THSD4: variants seen among roughly 807,000 people sequenced by gnomAD.
THSD4 encodes the protein thrombospondin type-1 domain-containing protein 4.
Under a neutral mutation model 119.0 loss-of-function variants are expected in THSD4, and 69 were observed. The ratio of observed to expected loss-of-function variants is 0.58; its 90% CI spans 0.48 to 0.71. The LOEUF (loss-of-function observed/expected upper bound fraction) is 0.71. Ranked by LOEUF, THSD4 falls within the 30% of genes least tolerant of loss-of-function variation. THSD4 has a pLI of 0.00. For missense variants in THSD4, 1,393 were observed against 1,391.1 expected, an observed-to-expected ratio of 1.00 and a Z score of -0.02; for synonymous variants, 524 against 540.4, an observed-to-expected ratio of 0.97 and a Z score of 0.42.
At chr15:71,495,769 C>A (rs995385380) in intron 7 of THSD4, among the ~76,000 whole-genome samples, 2 of 152,196 alleles carry the variant, frequency 1.3e-5, no homozygotes, top group African/African-American at 2.4e-5. Context: ...AACTGTTTTA[C>A]AAACACATGC....
chr15:71,395,202 A>G (rs989130601), intron 6 of THSD4, among the ~76,000 whole-genome samples: 2 of 152,184 alleles, frequency 1.3e-5, no homozygotes, highest in African/African-American at 4.8e-5. Context: ...GAGGAGTAAC[A>G]TGATGAAACA....
intron 3 of THSD4, among the ~76,000 whole-genome samples, chr15:71,214,003 A>G (rs1291471893): frequency 1.3e-5 from 2 of 151,096 alleles, no homozygotes; most frequent in African/African-American, 2.5e-5. Context: ...GGACTTGGAG[A>G]ACTTTTCTGT....
intron 6 of THSD4, among the ~76,000 whole-genome samples, chr15:71,330,085 A>AG (rs1373151611): frequency 1.4e-5 from 2 of 148,066 alleles, no homozygotes; most frequent in East Asian, 2.0e-4. Flanking sequence ...TCGTCTCCAA[A>AG]GGAAAAAAAA....
chr15:71,181,563 A>C (rs1046530701), intron 3 of THSD4, among the ~76,000 whole-genome samples: 2 of 152,172 alleles, frequency 1.3e-5, no homozygotes, highest in Non-Finnish European at 1.5e-5. Context: ...GCTTGTACCC[A>C]TGAGTTGAAG....
chr15:71,703,051 G>A (rs2052323749), intron 8 of THSD4, among the ~76,000 whole-genome samples: 1 of 151,782 alleles, frequency 6.6e-6, no homozygotes, highest in South Asian at 2.1e-4. Context: ...TGCCCTCTCA[G>A]CTCACTGCAA....
rs145954615 is a variant in THSD4 at position 71,701,615 on chromosome 15, A to G, written c.1358-26934A>G. 3.3e-3 allele frequency among the ~76,000 whole-genome samples: 510 copies of G among 152,346 alleles called. 4 individuals are homozygous for G. The highest frequency in any genetic ancestry group is 0.012 in the African/African-American group (490 of 41,590). On this transcript the variant is annotated intron_variant, in intron 8 of 17. Transcript: ENST00000261862. ...AAACACTCTTTAGCCATTAAAAATA[A>G]TGGACTAGCTCTATATTTAATAACA...
chr15:71,391,068 G>A (rs1455917649), intron 6 of THSD4, among the ~76,000 whole-genome samples: 3 of 143,364 alleles, frequency 2.1e-5, no homozygotes, highest in South Asian at 2.2e-4. Context: ...GCGCTCTGTC[G>A]CCCAGGCTGG....
chr15:71,745,245 C>T lies in THSD4; in HGVS notation c.2036+10C>T. 6.2e-7 allele frequency: 1 copy of T among 1,613,560 alleles called. No individual in the cohort carries two copies. The highest frequency in any genetic ancestry group is 8.5e-7 in the Non-Finnish European group (1 of 1,179,766). On this transcript the variant is annotated intron_variant, in intron 12 of 17. Transcript: ENST00000261862. ...TCCCTTGCCCAGCCTTGTAAGAAGG[C>T]CCCTCCATTTAGGTCGCCTATTACC...
intron 5 of THSD4, among the ~76,000 whole-genome samples, chr15:71,251,567 T>C (rs2044259260): frequency 6.6e-6 from 1 of 152,214 alleles, no homozygotes. Flanking sequence ...AAAGGTTTCA[T>C]GACTGTGGTG....
intron 7 of THSD4, among the ~76,000 whole-genome samples, chr15:71,637,728 A>AT (rs199604356): frequency 0.011 from 1,531 of 144,682 alleles, 24 homozygotes; most frequent in African/African-American, 0.03. Flanking sequence ...CACATTATGA[A>AT]TTTTTTTTTT....
At chr15:71,536,828 T>G (rs78043771) in intron 7 of THSD4, among the ~76,000 whole-genome samples, 7,855 of 152,232 alleles carry the variant, frequency 0.052, 239 homozygotes, top group Middle Eastern at 0.095. Flanking sequence ...AGTAGGGGTC[T>G]ATCCTCATTC....
At chr15:71,732,345 G>T (rs1159520038) in intron 10 of THSD4, 1 of 152,190 alleles carries the variant, frequency 6.6e-6, no homozygotes, top group East Asian at 1.9e-4. Context: ...AACAATCCAT[G>T]TTGAGTCTTC....
chr15:71,357,957 G>A (rs899080138), intron 6 of THSD4, among the ~76,000 whole-genome samples: 1 of 152,198 alleles, frequency 6.6e-6, no homozygotes, highest in African/African-American at 2.4e-5. Flanking sequence ...TCAAACTTGG[G>A]TGAGGTTCTG....
At chr15:71,203,449 G>A (rs951150572) in intron 3 of THSD4, among the ~76,000 whole-genome samples, 5 of 152,032 alleles carry the variant, frequency 3.3e-5, no homozygotes, top group African/African-American at 1.2e-4. Flanking sequence ...GAGGTCAGGA[G>A]TTCAAGACCA....
At chr15:71,342,832 C>T (rs2140392346) in intron 6 of THSD4, 1 of 152,320 alleles carries the variant, frequency 6.6e-6, no homozygotes, top group East Asian at 1.9e-4. Flanking sequence ...GTGTGCCAGG[C>T]ACACCCAGAT....
intron 7 of THSD4, among the ~76,000 whole-genome samples, chr15:71,594,991 A>C (rs1040242286): frequency 6.6e-6 from 1 of 152,236 alleles, no homozygotes; most frequent in East Asian, 1.9e-4. Flanking sequence ...CTAGGGGGTC[A>C]GTCAATCCCA....
chr15:71,226,791 C>T (rs2044021471), intron 4 of THSD4, among the ~76,000 whole-genome samples: 1 of 152,186 alleles, frequency 6.6e-6, no homozygotes, highest in African/African-American at 2.4e-5. Context: ...AATCTTTGGC[C>T]TTATCTGTGT....
At chr15:71,526,340 C>T (rs2048518048) in intron 7 of THSD4, among the ~76,000 whole-genome samples, 1 of 152,180 alleles carries the variant, frequency 6.6e-6, no homozygotes, top group Non-Finnish European at 1.5e-5. Context: ...TATTTCCTCT[C>T]TTAAATCACA....
At position 71,256,613 on chromosome 15, in the gene THSD4, G is replaced by A; in HGVS notation, c.913G>A (p.Val305Ile). The change falls in exon 6 of 18, where the codon GTA becomes ATA. Residue 305 changes from valine to isoleucine, a missense_variant and splice_region_variant. Physicochemically the swap from Val to Ile is conservative, Grantham distance 29. Coordinates refer to ENST00000261862, the MANE Select transcript of THSD4 (RefSeq NM_024817.3). ...GCATATTTAATATCTGCTTTATTAG[G>A]TATGTCCAGAAAGCAGTAGAAGTAT... ...YRQYKLCNTN[V>I]CPESSRSIRE... is the part of the protein sequence containing the mutation. 3.1e-6 allele frequency: 5 copies of A among 1,613,188 alleles called. No homozygotes were observed. Among genetic ancestry groups the A allele is most frequent in the Non-Finnish European group, 2.5e-6 (3 of 1,179,288 alleles).
Sources: gnomAD v4.1 joint callset for allele counts (sites outside exome capture counted in the v4.1 genomes callset) on GRCh38, gnomAD v4.1.1 for gene constraint, MANE v1.5 for transcripts, NCBI Gene and HGNC (gene_info 2026-07-23, HGNC 2026-07-21) for gene names.